The following DLG2 variants were observed in gnomAD, a reference collection of about 807,000 sequenced individuals.
DLG2 encodes the protein disks large homolog 2.
Under a neutral mutation model 132.5 loss-of-function variants are expected in DLG2, and 45 were observed. The ratio of observed to expected loss-of-function variants is 0.34; its 90% CI spans 0.27 to 0.44. The LOEUF (loss-of-function observed/expected upper bound fraction) is 0.44. Among genes scored for constraint, DLG2 ranks in the 20% least tolerant of loss-of-function variants. The probability of loss-of-function intolerance (pLI) is 1.00; values close to 1 mark genes in which losing one functional copy is unlikely to be tolerated. For missense variants in DLG2, 1,045 were observed against 1,196.9 expected (o/e 0.87, Z 1.87); for synonymous variants, 424 against 419.6 (o/e 1.01, Z -0.13).
intron 3 of DLG2, among the ~76,000 whole-genome samples, chr11:85,354,466 A>G (rs895991165): frequency 1.1e-4 from 17 of 152,070 alleles, no homozygotes; most frequent in Admixed American, 9.8e-4. Context: ...TAAAGTCATT[A>G]TTTCCTTCCC....
At chr11:85,173,704 T>C (rs914517972) in intron 4 of DLG2, among the ~76,000 whole-genome samples, 4 of 152,086 alleles carry the variant, frequency 2.6e-5, no homozygotes, top group Non-Finnish European at 4.4e-5. Flanking sequence ...TCAAGACCCA[T>C]TGGCGTGCTG....
At chr11:84,840,060 G>C (rs1021455074) in intron 6 of DLG2, among the ~76,000 whole-genome samples, 3 of 152,002 alleles carry the variant, frequency 2.0e-5, no homozygotes, top group Non-Finnish European at 4.4e-5. Flanking sequence ...GCAACCTACA[G>C]AATGGGAGAA....
chr11:84,373,662 A>C (rs1377520132), intron 7 of DLG2, among the ~76,000 whole-genome samples: 2 of 152,172 alleles, frequency 1.3e-5, no homozygotes, highest in African/African-American at 4.8e-5. Context: ...TGCTTATCAA[A>C]TACTGTCAGA....
chr11:83,553,657 T>C (rs1228701321), intron 19 of DLG2, among the ~76,000 whole-genome samples: 2 of 152,102 alleles, frequency 1.3e-5, no homozygotes, highest in African/African-American at 2.4e-5. Flanking sequence ...TGTTCAAAAA[T>C]TGCTGATAGC....
At chr11:83,574,814 T>G (rs1164922622) in intron 19 of DLG2, among the ~76,000 whole-genome samples, 1 of 152,196 alleles carries the variant, frequency 6.6e-6, no homozygotes, top group Non-Finnish European at 1.5e-5. Context: ...ACAGTTCCTA[T>G]GTCAGCACAG....
chr11:83,948,481 G>A (rs2084630493), intron 14 of DLG2, among the ~76,000 whole-genome samples: 1 of 152,158 alleles, frequency 6.6e-6, no homozygotes, highest in Non-Finnish European at 1.5e-5. Flanking sequence ...GGAACAGGTT[G>A]TGTTTCTGGG....
chr11:84,642,160 T>A lies in DLG2; in HGVS notation c.358-107429A>T, dbSNP rs573387957. On this transcript the variant is annotated intron_variant, in intron 6 of 27. Transcript: ENST00000376104. ...TGTGTGTGTATTAAAAAAAGACAGG[T>A]TGATTTCTTTATAAGTTTCTACAGG... is the stretch of plus-strand genomic sequence containing the variant. Among the ~76,000 whole-genome samples, 203 of 147,920 alleles carry A rather than the reference T, an allele frequency of 1.4e-3. 2 individuals carry two copies. Among genetic ancestry groups the A allele is most frequent in the African/African-American group, 4.6e-3 (185 of 40,374 alleles).
intron 7 of DLG2, among the ~76,000 whole-genome samples, chr11:84,252,140 C>CTTTTTTTTTTTT (rs1176873990): frequency 3.1e-5 from 2 of 65,352 alleles, no homozygotes. Context: ...TTCTTTCTTT[C>CTTTTTTTTTTTT]TTTTTTTTTT....
chr11:85,051,041 T>C (rs1203848125), intron 6 of DLG2, among the ~76,000 whole-genome samples: 1 of 152,122 alleles, frequency 6.6e-6, no homozygotes, highest in Non-Finnish European at 1.5e-5. Context: ...ACAACAGATT[T>C]CAAAGTCATC....
chr11:84,602,042 T>C (rs980919692), intron 6 of DLG2, among the ~76,000 whole-genome samples: 9 of 151,970 alleles, frequency 5.9e-5, no homozygotes, highest in African/African-American at 2.2e-4. Flanking sequence ...TATAAAAGCA[T>C]CAGGAAACTC....
intron 6 of DLG2, among the ~76,000 whole-genome samples, chr11:85,006,917 T>A (rs950534509): frequency 1.1e-4 from 16 of 152,236 alleles, no homozygotes; most frequent in African/African-American, 3.4e-4. Context: ...ACAATAAGTA[T>A]AGAATCTTAG....
At chr11:83,794,769 C>T (rs1406849282) in intron 17 of DLG2, among the ~76,000 whole-genome samples, 1 of 152,062 alleles carries the variant, frequency 6.6e-6, no homozygotes, top group African/African-American at 2.4e-5. Context: ...TGGAAAGAGG[C>T]TAAGGATCTA....
chr11:83,863,749 G>T (rs2061824338), intron 16 of DLG2, among the ~76,000 whole-genome samples: 1 of 152,104 alleles, frequency 6.6e-6, no homozygotes, highest in South Asian at 2.1e-4. Flanking sequence ...AACAGCTCAA[G>T]GTGATAAGAC....
chr11:83,881,777 T>C (rs34233866), intron 15 of DLG2, among the ~76,000 whole-genome samples: 5,045 of 152,328 alleles, frequency 0.033, 122 homozygotes, highest in Non-Finnish European at 0.046. Context: ...AAAGAATCAA[T>C]TGTAATTATT....
chr11:83,493,411 T>C (rs7116939), intron 21 of DLG2, among the ~76,000 whole-genome samples: 41,872 of 149,192 alleles, frequency 0.28, 6,297 homozygotes, highest in East Asian at 0.36. Context: ...TCTTTCAACA[T>C]TTATCACCAT....
chr11:85,358,320 T>G (rs971049347), intron 3 of DLG2, among the ~76,000 whole-genome samples: 1 of 152,294 alleles, frequency 6.6e-6, no homozygotes, highest in African/African-American at 2.4e-5. Context: ...TTTACTCTCT[T>G]TCTACCAGGT....
rs148037994 is a variant in DLG2, at chr11:84,030,656, A to G, written c.919+28659T>C. 6.3e-3 allele frequency among the ~76,000 whole-genome samples: 960 copies of G among 152,310 alleles called. 2 individuals carry two copies. Among genetic ancestry groups the G allele is most frequent in the Non-Finnish European group, 9.6e-3 (655 of 68,028 alleles). ...GGTTCAATGGGTTGACTCAGAATTC[A>G]TGATATGTTTCCCAGATTGCGAGGA... On this transcript the variant is annotated intron_variant, in intron 11 of 27. Coordinates refer to ENST00000376104, the MANE Select transcript of DLG2 (RefSeq NM_001142699.3).
chr11:85,072,009 A>C (rs1314735462), intron 6 of DLG2, among the ~76,000 whole-genome samples: 5 of 151,870 alleles, frequency 3.3e-5, no homozygotes, highest in Admixed American at 3.3e-4. Flanking sequence ...AACGCATTTA[A>C]TCTTAGCATC....
At chr11:83,503,420 T>TATAGATAGATAGATAG (rs1240156958) in intron 21 of DLG2, among the ~76,000 whole-genome samples, 17 of 78,374 alleles carry the variant, frequency 2.2e-4, no homozygotes, top group East Asian at 1.3e-3. Context: ...TATATATATA[T>TATAGATAGATAGATAG]ATAGATAGAT....
Sources: allele counts gnomAD v4.1 joint callset (sites outside exome capture counted in the v4.1 genomes callset), GRCh38; gene constraint gnomAD v4.1.1; transcripts MANE v1.5; gene names NCBI Gene and HGNC (gene_info 2026-07-23, HGNC 2026-07-21).